Variants in CPS1 observed in about 807,000 individuals in gnomAD.
The protein encoded by CPS1 is carbamoyl-phosphate synthase [ammonia], mitochondrial.
In CPS1, 109 loss-of-function variants were observed where a neutral mutation model predicts 174.6. The ratio of observed to expected loss-of-function variants is 0.62; its 90% confidence interval spans 0.53 to 0.73. The LOEUF (loss-of-function observed/expected upper bound fraction) is 0.73, where lower values mean the gene tolerates loss of function less well. CPS1 is among the 30% of genes least tolerant of loss of function. The pLI, the probability that CPS1 is intolerant of heterozygous loss-of-function variation, is 0.00. For synonymous variants in CPS1, 637 were observed against 632.0 expected (o/e 1.01, Z -0.12); for missense variants, 1,689 against 1,821.9 (o/e 0.93, Z 1.33).
intron 15 of CPS1, 74 bp downstream of exon 15, chr2:210,600,786 T>C (rs745848588): frequency 6.9e-7 from 1 of 1,453,398 alleles, no homozygotes; most frequent in African/African-American, 1.4e-5. Flanking sequence ...TTTTCATGCC[T>C]AATAATAATA....
In CPS1 at chr2:210,605,105, T is replaced by C; in HGVS notation, c.1840T>C (p.Phe614Leu). ...ATCTTTTGTCACCAATTTCTAGGCC[T>C]TTGCTATGACCAACCAAATTCTGGT... ...ETLMDLSTKA[F>L]AMTNQILVEK... is the part of the protein sequence containing the mutation. The change falls in exon 17 of 38, where the codon TTT (phenylalanine) becomes CTT (leucine). Residue 614 changes from phenylalanine to leucine, a missense_variant. Coordinates refer to ENST00000233072, the MANE Select transcript of CPS1 (RefSeq NM_001875.5). 6.2e-7 allele frequency: 1 copy of C among 1,611,824 alleles called. No homozygotes were observed. Among genetic ancestry groups the C allele is most frequent in the Non-Finnish European group, 8.5e-7 (1 of 1,178,544 alleles).
intron 21 of CPS1, among the ~76,000 whole-genome samples, chr2:210,620,366 A>G (rs1273865493): frequency 6.6e-6 from 1 of 152,100 alleles, no homozygotes; most frequent in Non-Finnish European, 1.5e-5. Context: ...TTCTCTTTGA[A>G]GGGGAGAGAT....
At chr2:210,602,397 G>C (rs1307640721) in intron 16 of CPS1, 67 bp downstream of exon 16, 2 of 1,552,344 alleles carry the variant, frequency 1.3e-6, no homozygotes, top group African/African-American at 2.7e-5. Flanking sequence ...TTTTCAACTA[G>C]AGAAAGTTAT....
intron 34 of CPS1, among the ~76,000 whole-genome samples, chr2:210,669,316 G>T (rs753618867): frequency 6.6e-6 from 1 of 151,980 alleles, no homozygotes; most frequent in Non-Finnish European, 1.5e-5. Context: ...AATACTAGAG[G>T]CTTCCCAACT....
At chr2:210,568,755 A>G (rs1484535548) in intron 1 of CPS1, among the ~76,000 whole-genome samples, 1 of 152,080 alleles carries the variant, frequency 6.6e-6, no homozygotes, top group Non-Finnish European at 1.5e-5. Context: ...TATTCGTAAG[A>G]CTAACCACTG....
At chr2:210,654,275 G>A (rs1700643200) in intron 29 of CPS1, among the ~76,000 whole-genome samples, 173 bp downstream of exon 29, 1 of 152,132 alleles carries the variant, frequency 6.6e-6, no homozygotes, top group Admixed American at 6.6e-5. Context: ...GATGTGTCAT[G>A]GGTATCATAT....
chr2:210,588,126 T>C lies in CPS1; in HGVS notation c.690T>C (p.Asn230=), dbSNP rs762276786. The stretch of plus-strand genomic sequence containing the variant: ...CTGTAGACTGTGGGATTAAAAACAA[T>C]GTAATCCGCCTGCTAGTAAAGGTAA... ...VVAVDCGIKN[N]VIRLLVKRGA... Residue 230 remains asparagine, a synonymous_variant, in exon 7 of 38, where the codon AAT becomes AAC. Coordinates refer to ENST00000233072, the MANE Select transcript of CPS1 (RefSeq NM_001875.5). The C allele has an allele frequency of 4.3e-6, 7 of 1,612,878 alleles. No homozygotes were observed. The highest frequency in any genetic ancestry group is 5.1e-6 in the Non-Finnish European group (6 of 1,179,164).
intron 3 of CPS1, chr2:210,577,108 G>T: frequency 2.9e-6 from 1 of 341,502 alleles, no homozygotes; most frequent in Non-Finnish European, 5.4e-6. Context: ...AAATGATTTT[G>T]TTCATCATGT....
intron 1 of CPS1, among the ~76,000 whole-genome samples, chr2:210,559,797 G>A (rs1390799165): frequency 1.3e-5 from 2 of 152,066 alleles, no homozygotes; most frequent in Non-Finnish European, 2.9e-5. Flanking sequence ...TTTGTCATCT[G>A]TATAGTGCAA....
At chr2:210,637,986 G>A (rs1328222998) in intron 22 of CPS1, 143 bp downstream of exon 22, 5 of 926,506 alleles carry the variant, frequency 5.4e-6, no homozygotes, top group Non-Finnish European at 8.6e-6. Context: ...TGCTCATAAT[G>A]TCACCAATTT....
At chr2:210,539,183 G>A (rs1306593257) in intron 1 of CPS1, among the ~76,000 whole-genome samples, 1 of 152,140 alleles carries the variant, frequency 6.6e-6, no homozygotes, top group African/African-American at 2.4e-5. Context: ...CTGCCTCATA[G>A]TACTGCTGAA....
chr2:210,538,126 T>C (rs527490689), intron 1 of CPS1, among the ~76,000 whole-genome samples: 1 of 152,314 alleles, frequency 6.6e-6, no homozygotes, highest in Non-Finnish European at 1.5e-5. Context: ...GGATTTGAAA[T>C]AGGAATATAG....
At chr2:210,480,346 C>T (rs1376265421) in intron 1 of CPS1, among the ~76,000 whole-genome samples, 2 of 152,224 alleles carry the variant, frequency 1.3e-5, no homozygotes, top group Non-Finnish European at 2.9e-5. Context: ...ATGAAGTTCT[C>T]TGCTGAACAG....
At chr2:210,595,652 T>C in intron 13 of CPS1, 70 bp downstream of exon 13, 2 of 1,071,870 alleles carry the variant, frequency 1.9e-6, no homozygotes, top group Non-Finnish European at 2.9e-6. Flanking sequence ...TTTTATAATT[T>C]AGATTTATGA....
intron 33 of CPS1, among the ~76,000 whole-genome samples, chr2:210,663,937 T>C (rs1701006329): frequency 6.6e-6 from 1 of 152,144 alleles, no homozygotes; most frequent in Non-Finnish European, 1.5e-5. Flanking sequence ...CCATCATTGT[T>C]TCCTCTTGGT....
chr2:210,544,086 G>A (rs2045910702), intron 1 of CPS1, among the ~76,000 whole-genome samples: 1 of 152,076 alleles, frequency 6.6e-6, no homozygotes, highest in African/African-American at 2.4e-5. Context: ...TAGAGAAACT[G>A]GGAAATAGGA....
chr2:210,577,436 G>A lies in CPS1; in HGVS notation c.397G>A (p.Val133Met). The change falls in exon 4 of 38, where the codon GTG (valine) becomes ATG (methionine). Residue 133 changes from valine (V) to methionine (M), a missense_variant. By Grantham distance (21) the Val-to-Met change is conservative. Coordinates refer to ENST00000233072, the MANE Select transcript of CPS1 (RefSeq NM_001875.5). ...GTCTTTCTAGGTTTCAGGTTTGCTG[G>A]TGCTGGATTATAGTAAAGACTACAA... is the stretch of plus-strand genomic sequence containing the variant. ...SNGIKVSGLL[V>M]LDYSKDYNHW... The A allele has an allele frequency of 1.2e-6, 2 of 1,613,720 alleles. No individual in the cohort carries two copies. The highest frequency in any genetic ancestry group is 1.7e-6 in the Non-Finnish European group (2 of 1,179,782).
intron 33 of CPS1, among the ~76,000 whole-genome samples, chr2:210,665,586 T>G (rs910325585): frequency 7.9e-5 from 12 of 151,804 alleles, no homozygotes; most frequent in Non-Finnish European, 1.8e-4. Flanking sequence ...TTTGGTTTTT[T>G]GTCCTTGCAA....
Position 210,639,161 on chromosome 2 carries a change from G to A in CPS1, c.2841G>A (p.Leu947=). 6.2e-7 allele frequency: 1 copy of A among 1,612,340 alleles called. No homozygotes were observed. Among genetic ancestry groups the A allele is most frequent in the East Asian group, 2.2e-5 (1 of 44,854 alleles). Residue 947 remains leucine (L), a synonymous_variant, in exon 23 of 38, where the codon CTG becomes CTA. Transcript: ENST00000233072. ...IHPWVKQIDT[L]AAEYPSVTNY... ...GTTTTCTCTTACAGATTGATACACT[G>A]GCTGCAGAATACCCATCAGTAACAA...
Sources: gnomAD v4.1 joint callset for allele counts (sites outside exome capture counted in the v4.1 genomes callset) on GRCh38, gnomAD v4.1.1 for gene constraint, MANE v1.5 for transcripts, NCBI Gene and HGNC (gene_info 2026-07-23, HGNC 2026-07-21) for gene names.